Variants in GINM1 observed in about 807,000 individuals in gnomAD.
GINM1 encodes glycosylated integral membrane protein 1.
GINM1 carries 29 observed loss-of-function variants against 37.8 expected under a neutral mutation model. The ratio of observed to expected loss-of-function variants is 0.77; its 90% CI spans 0.57 to 1.05. GINM1 has a LOEUF of 1.05. Among genes scored for constraint, GINM1 ranks in the 50% least tolerant of loss-of-function variants. GINM1 has a pLI of 0.00. For synonymous variants in GINM1, 143 were observed against 146.2 expected, an observed-to-expected ratio of 0.98 and a Z score of 0.16; for missense variants, 377 against 397.9, an observed-to-expected ratio of 0.95 and a Z score of 0.45.
rs958894575 is a variant in GINM1 at position 149,574,654 on chromosome 6, C to T, written c.277+2051C>T. 2.0e-5 allele frequency among the ~76,000 whole-genome samples: 3 copies of T among 152,254 alleles called. No homozygotes were observed. In the East Asian group the frequency reaches 5.8e-4, roughly 29 times the overall value. ...CCTGTATTCCCAGCCCTTTGGGAGG[C>T]CAAAGCTGGAGGATCACTTCAGTCT... On this transcript the variant is annotated intron_variant, in intron 3 of 7. Coordinates refer to ENST00000367419, the MANE Select transcript of GINM1 (RefSeq NM_138785.5).
intron 4 of GINM1, among the ~76,000 whole-genome samples, 165 bp from the exon 5 acceptor site, chr6:149,579,669 G>A (rs1226865941): frequency 6.7e-6 from 1 of 150,064 alleles, no homozygotes; most frequent in Non-Finnish European, 1.5e-5. Context: ...TCCAGCCTGG[G>A]CAACAACAAG....
chr6:149,569,019 TTTTTTTATTTTTTG>T (rs1321559825), intron 1 of GINM1, among the ~76,000 whole-genome samples: 1 of 151,242 alleles, frequency 6.6e-6, no homozygotes, highest in African/African-American at 2.4e-5. Flanking sequence ...TTTATTTTTA[TTTTTTTATTTTTTG>T]TTTTTTATTT....
At chr6:149,579,302 C>T (rs995588625) in intron 4 of GINM1, among the ~76,000 whole-genome samples, 2 of 152,082 alleles carry the variant, frequency 1.3e-5, no homozygotes, top group Admixed American at 6.6e-5. Context: ...GAAGTAGAAT[C>T]GAGATTAAGC....
chr6:149,573,724 A>C (rs1274266317), intron 3 of GINM1, among the ~76,000 whole-genome samples: 3 of 151,806 alleles, frequency 2.0e-5, no homozygotes, highest in African/African-American at 7.3e-5. Flanking sequence ...AAAATAAATT[A>C]GCTGGGTGTG....
intron 4 of GINM1, 105 bp from the exon 5 acceptor site, chr6:149,579,729 G>T (rs2115059948): frequency 1.6e-6 from 1 of 640,352 alleles, no homozygotes; most frequent in East Asian, 2.9e-5. Flanking sequence ...GTCTGAATAG[G>T]ACACATGTTT....
rs1237069170 is a variant in GINM1 at position 149,571,940 on chromosome 6, G to A, written c.121-345G>A. On this transcript the variant is annotated intron_variant, in intron 1 of 7. Transcript: ENST00000367419. ...TACTAAAAATACAAACATTAGCTGG[G>A]TGTGGTGGTGCATGCCTGTAATCCC... is the stretch of plus-strand genomic sequence containing the variant. Among the ~76,000 whole-genome samples, 11 of 152,150 alleles carry A rather than the reference G, an allele frequency of 7.2e-5. No homozygotes were observed. In the South Asian group the frequency reaches 2.3e-3, roughly 32 times the overall value.
At chr6:149,570,172 A>G (rs1319187184) in intron 1 of GINM1, among the ~76,000 whole-genome samples, 1 of 86,916 alleles carries the variant, frequency 1.2e-5, no homozygotes, top group Non-Finnish European at 2.3e-5. Context: ...ATATATATAT[A>G]TATATATATA....
At chr6:149,584,386 G>T (rs1380820269) in intron 7 of GINM1, 1 of 152,170 alleles carries the variant, frequency 6.6e-6, no homozygotes, top group Non-Finnish European at 1.5e-5. Context: ...CAGGATTTTT[G>T]GAAAAGAAGA....
chr6:149,590,905 T>C lies in GINM1; in HGVS notation c.*67T>C. 4.1e-6 allele frequency: 3 copies of C among 724,466 alleles called. No homozygotes were observed. Among genetic ancestry groups the C allele is most frequent in the Non-Finnish European group, 7.3e-6 (3 of 413,082 alleles). The allele number at this position is 724,466 out of a possible 1,614,324, so 44.9% of individuals were successfully genotyped here. ...TCCAAATTTGCCACTTGAATATAAT[T>C]TTCTTTAAATCGTTAAGAATCAGTT... On this transcript the variant is annotated 3_prime_UTR_variant, in exon 8 of 8. Coordinates refer to ENST00000367419, the MANE Select transcript of GINM1 (RefSeq NM_138785.5).
Position 149,566,525 on chromosome 6 carries a change from AG to A in GINM1, c.112del (p.Ala38ProfsTer10), listed in dbSNP as rs1562268804. On this transcript the variant is annotated frameshift_variant, in exon 1 of 8. Transcript: ENST00000367419. LOFTEE classifies it high-confidence loss of function. The surrounding 1 kb of genome is among the most constrained non-coding windows in gnomAD (Gnocchi z 4.4). ...GAPEPPPLSG[A>X]PQDGIRINVT... Reference sequence around the variant, plus strand: ...CCCCCGAGCCGCCGCCGCTGTCCGGAGCCCCACAGGTAGGGCAGGGCGGGCC... The same window carrying A: ...CCCCCGAGCCGCCGCCGCTGTCCGGACCCCACAGGTAGGGCAGGGCGGGCC... 6.6e-7 allele frequency: 1 copy of A among 1,524,902 alleles called. No individual in the cohort carries two copies. The highest frequency in any genetic ancestry group is 8.7e-7 in the Non-Finnish European group (1 of 1,143,904). 94.5% of individuals were successfully genotyped at this position (1,524,902 alleles called of 1,614,324 possible). A position where few individuals can be genotyped will look rare whatever the true frequency, so the allele number is the denominator to read the frequency against.
At chr6:149,585,494 C>T (rs1017339674) in intron 7 of GINM1, among the ~76,000 whole-genome samples, 5 of 152,170 alleles carry the variant, frequency 3.3e-5, no homozygotes, top group African/African-American at 1.2e-4. Flanking sequence ...GTTTCCCAAA[C>T]TTTCTTGGTT....
chr6:149,580,049 TTATA>T, intron 5 of GINM1, 59 bp downstream of exon 5: 1 of 1,061,996 alleles, frequency 9.4e-7, no homozygotes, highest in African/African-American at 1.6e-5. Context: ...GTTGGTAGCT[TTATA>T]TACTCTTGAA....
At chr6:149,573,639 G>A (rs550219390) in intron 3 of GINM1, among the ~76,000 whole-genome samples, 32 of 152,170 alleles carry the variant, frequency 2.1e-4, no homozygotes, top group Admixed American at 1.7e-3. Context: ...AGGCTGAGGC[G>A]GGTGAACTGC....
At chr6:149,584,798 T>C (rs985789420) in intron 7 of GINM1, among the ~76,000 whole-genome samples, 2 of 149,198 alleles carry the variant, frequency 1.3e-5, no homozygotes, top group Admixed American at 6.7e-5. Flanking sequence ...ATATATTTTA[T>C]ATAAATATTT....
chr6:149,576,778 G>C (rs1369778084), intron 3 of GINM1, among the ~76,000 whole-genome samples: 8 of 152,086 alleles, frequency 5.3e-5, no homozygotes, highest in Non-Finnish European at 1.2e-4. Context: ...GAAGGGCTTT[G>C]TTGTTTTTTA....
chr6:149,568,458 T>C (rs1323561866), intron 1 of GINM1, among the ~76,000 whole-genome samples: 1 of 152,272 alleles, frequency 6.6e-6, no homozygotes, highest in African/African-American at 2.4e-5. Flanking sequence ...TTGATGGTTA[T>C]GTCTTTTCTC....
intron 7 of GINM1, among the ~76,000 whole-genome samples, chr6:149,583,575 G>A (rs143651905): frequency 6.6e-6 from 1 of 151,218 alleles, no homozygotes; most frequent in Non-Finnish European, 1.5e-5. Flanking sequence ...GTTGTGGTGA[G>A]CCGAGATCGC....
chr6:149,586,773 C>T (rs1330361359), intron 7 of GINM1, among the ~76,000 whole-genome samples: 1 of 151,984 alleles, frequency 6.6e-6, no homozygotes, highest in Non-Finnish European at 1.5e-5. Flanking sequence ...ATTTTTGAGA[C>T]AAGGTCTCAC....
intron 3 of GINM1, among the ~76,000 whole-genome samples, chr6:149,576,925 G>A (rs190682562): frequency 2.0e-4 from 31 of 152,324 alleles, no homozygotes; most frequent in Non-Finnish European, 3.8e-4. Context: ...AGGAAGCATG[G>A]CACCAGCATC....
Sources: gnomAD v4.1 joint callset for allele counts (sites outside exome capture counted in the v4.1 genomes callset) on GRCh38, gnomAD v4.1.1 for gene constraint, Gnocchi (gnomAD v3.1) non-coding constraint, MANE v1.5 for transcripts, NCBI Gene and HGNC (gene_info 2026-07-23, HGNC 2026-07-21) for gene names.